The following HMGCLL1 variants were observed in gnomAD, a reference collection of about 807,000 sequenced individuals.
HMGCLL1 encodes 3-hydroxymethyl-3-methylglutaryl-CoA lyase, cytoplasmic.
In HMGCLL1, 36 loss-of-function variants were observed where a neutral mutation model predicts 39.1. The observed-to-expected ratio is 0.92, with a 90% confidence interval of 0.71 to 1.22. The LOEUF is 1.22. Among genes scored for constraint, HMGCLL1 ranks in the 50% most tolerant of loss-of-function variants. The pLI is 0.00. For missense variants in HMGCLL1, 451 were observed against 416.5 expected, an observed-to-expected ratio of 1.08 and a Z score of -0.72; for synonymous variants, 149 against 144.0, an observed-to-expected ratio of 1.03 and a Z score of -0.25.
In HMGCLL1 at chr6:55,439,672, A is replaced by G. The variant is rs1033167870; in HGVS notation, c.796-113T>C. ...TAAGCAAAATCTGAACTGGTTATTC[A>G]AATATATTCACTTACCCAGTGGCCT... On this transcript the variant is annotated intron_variant, in intron 7 of 8. Coordinates refer to ENST00000274901, the MANE Select transcript of HMGCLL1 (RefSeq NM_001042406.2). The G allele has an allele frequency of 2.3e-5, 26 of 1,134,118 alleles. No homozygotes were observed. The African/African-American group carries it at 2.8e-4, about 12-fold the overall frequency. 70.3% of individuals were successfully genotyped at this position (1,134,118 alleles called of 1,614,324 possible). A position where few individuals can be genotyped will look rare whatever the true frequency, so the allele number is the denominator to read the frequency against.
At chr6:55,618,980 A>G in the HMGCLL1 span, among the ~76,000 whole-genome samples, 54,846 of 151,824 alleles carry the variant, frequency 0.36, 10,467 homozygotes, top group African/African-American at 0.48. Context: ...GAAGTTACTA[A>G]AGGAGGTGTT....
At chr6:55,666,202 C>A in the HMGCLL1 span, among the ~76,000 whole-genome samples, 4 of 151,688 alleles carry the variant, frequency 2.6e-5, no homozygotes, top group African/African-American at 7.3e-5. Context: ...GTAATGGAAC[C>A]AGCATGATCC....
chr6:55,504,617 T>C (rs1767060229), intron 5 of HMGCLL1, among the ~76,000 whole-genome samples: 1 of 151,648 alleles, frequency 6.6e-6, no homozygotes. Flanking sequence ...TAATACCTAA[T>C]ATAATGTAAA....
the HMGCLL1 span, among the ~76,000 whole-genome samples, chr6:55,671,693 C>G: frequency 2.0e-5 from 3 of 151,742 alleles, no homozygotes; most frequent in African/African-American, 7.2e-5. Context: ...ACCTGGGAAA[C>G]CAACAATGGA....
chr6:55,522,425 G>A (rs558509560), intron 3 of HMGCLL1, among the ~76,000 whole-genome samples: 1 of 152,014 alleles, frequency 6.6e-6, no homozygotes, highest in South Asian at 2.1e-4. Flanking sequence ...CTTTCACTGA[G>A]TAAAGTTTAC....
chr6:55,579,002 G>A lies in HMGCLL1; in HGVS notation c.54C>T (p.Leu18=), dbSNP rs549039167. ...VKHCLSYQQL[L]REHLWIGDSV... is the part of the protein sequence containing the mutation. ...AATCCCCGATCCAGAGATGCTCCCG[G>A]AGAAGCTGCTGGTAGCTGAGGCAGT... is the stretch of plus-strand genomic sequence containing the variant. The change falls in exon 1 of 9, where the codon CTC becomes CTT. Residue 18 remains leucine, a synonymous_variant. Coordinates refer to ENST00000274901, the MANE Select transcript of HMGCLL1 (RefSeq NM_001042406.2). 371 of 1,613,824 alleles carry A rather than the reference G, an allele frequency of 2.3e-4. No individual in the cohort carries two copies. The Middle Eastern group carries it at 2.8e-3, about 12-fold the overall frequency.
intron 6 of HMGCLL1, among the ~76,000 whole-genome samples, chr6:55,496,070 T>C (rs1766559205): frequency 6.6e-6 from 1 of 152,186 alleles, no homozygotes; most frequent in Admixed American, 6.5e-5. Flanking sequence ...ACTACATATA[T>C]ATACAGCTGA....
chr6:55,661,605 G>C, the HMGCLL1 span, among the ~76,000 whole-genome samples: 1 of 151,932 alleles, frequency 6.6e-6, no homozygotes, highest in Non-Finnish European at 1.5e-5. Context: ...TGCTCTTTTG[G>C]TTACTGTAGC....
At chr6:55,671,799 G>T in the HMGCLL1 span, among the ~76,000 whole-genome samples, 1 of 151,640 alleles carries the variant, frequency 6.6e-6, no homozygotes, top group Non-Finnish European at 1.5e-5. Flanking sequence ...TCTTCTGGTT[G>T]ATATAGTCCA....
intron 3 of HMGCLL1, among the ~76,000 whole-genome samples, chr6:55,531,495 G>A (rs898619101): frequency 6.6e-6 from 1 of 152,004 alleles, no homozygotes; most frequent in African/African-American, 2.4e-5. Flanking sequence ...ACACGGCTTT[G>A]AAAGGTTTTT....
chr6:55,469,485 A>G (rs540717981), intron 7 of HMGCLL1, among the ~76,000 whole-genome samples: 2 of 149,298 alleles, frequency 1.3e-5, no homozygotes, highest in East Asian at 2.0e-4. Context: ...GTGTGTGTAT[A>G]TATATATATG....
At chr6:55,439,595 T>G in intron 7 of HMGCLL1, 36 bp from the exon 8 acceptor site, 4 of 1,593,716 alleles carry the variant, frequency 2.5e-6, no homozygotes, top group Non-Finnish European at 3.4e-6. Context: ...AGCTTGTGTG[T>G]TTATGGCATG....
At chr6:55,650,120 T>TATATATATACACAC in the HMGCLL1 span, among the ~76,000 whole-genome samples, 1 of 79,942 alleles carries the variant, frequency 1.3e-5, no homozygotes, top group Admixed American at 1.4e-4. Context: ...TATATATATA[T>TATATATATACACAC]ATATATATAT....
the HMGCLL1 span, among the ~76,000 whole-genome samples, chr6:55,647,408 T>C: frequency 6.6e-6 from 1 of 152,044 alleles, no homozygotes; most frequent in African/African-American, 2.4e-5. Flanking sequence ...TTATTATTGA[T>C]AAGTAGGGAC....
chr6:55,577,046 T>A (rs763849161), intron 1 of HMGCLL1: 4 of 1,612,026 alleles, frequency 2.5e-6, no homozygotes, highest in African/African-American at 1.3e-5. Context: ...CTAGGAAGAG[T>A]GTAGATAGTG....
intron 3 of HMGCLL1, among the ~76,000 whole-genome samples, chr6:55,526,370 A>G (rs973554782): frequency 2.0e-5 from 3 of 151,974 alleles, no homozygotes; most frequent in South Asian, 2.1e-4. Context: ...TCAATAACCA[A>G]CTTGACTTAG....
intron 1 of HMGCLL1, among the ~76,000 whole-genome samples, chr6:55,575,457 G>T (rs74851019): frequency 0.036 from 5,533 of 152,128 alleles, 159 homozygotes; most frequent in South Asian, 0.11. Flanking sequence ...TAATATGTAA[G>T]CTGAAAAATT....
rs1176912204 is a variant in HMGCLL1, at chr6:55,578,857, AAGGGAGG to A, written c.108+84_108+90del. ...GGTCCTGGGGTGAGGAGGTGACATAAAGGGAGGAGGGCACCAAGAGGTTGCAGGGAGA... is the reference window on the plus strand; with the variant it reads ...GGTCCTGGGGTGAGGAGGTGACATAAAGGGCACCAAGAGGTTGCAGGGAGA... On this transcript the variant is annotated intron_variant, in intron 1 of 8. Transcript: ENST00000274901. 3.9e-5 allele frequency: 35 copies of A among 909,070 alleles called. No homozygotes were observed. The Admixed American group carries it at 5.0e-4, about 13-fold the overall frequency. 56.3% of individuals were successfully genotyped at this position (909,070 alleles called of 1,614,324 possible). A position where few individuals can be genotyped will look rare whatever the true frequency, so the allele number is the denominator to read the frequency against.
chr6:55,533,298 T>C (rs945987078), intron 3 of HMGCLL1, among the ~76,000 whole-genome samples: 3 of 151,968 alleles, frequency 2.0e-5, no homozygotes, highest in African/African-American at 4.8e-5. Context: ...TGTACTATTA[T>C]TATATTATTT....
Sources: allele counts gnomAD v4.1 joint callset (sites outside exome capture counted in the v4.1 genomes callset), GRCh38; gene constraint gnomAD v4.1.1; transcripts MANE v1.5; gene names NCBI Gene and HGNC (gene_info 2026-07-23, HGNC 2026-07-21).